Variants in FAM216B observed in about 807,000 individuals in gnomAD.
FAM216B encodes the protein protein FAM216B.
Under a neutral mutation model 12.9 loss-of-function variants are expected in FAM216B, and 11 were observed. The observed-to-expected ratio is 0.86, with a 90% CI of 0.54 to 1.42. FAM216B has a LOEUF of 1.42. Ranked by LOEUF, FAM216B falls within the 40% of genes most tolerant of loss-of-function variation. The pLI is 0.00. For synonymous variants in FAM216B, 52 were observed against 57.2 expected (o/e 0.91, Z 0.41); for missense variants, 167 against 162.9 (o/e 1.02, Z -0.14).
rs1007912038 is a variant in FAM216B, at chr13:42,785,885, T to G, written c.100-878T>G. Among the ~76,000 whole-genome samples the G allele has an allele frequency of 3.3e-5, 5 of 152,176 alleles. No individual in the cohort carries two copies. The South Asian group carries it at 6.2e-4, about 19-fold the overall frequency. On this transcript the variant is annotated intron_variant, in intron 2 of 3. Transcript: ENST00000313851. Reference sequence around the variant, plus strand: ...TGTGCATTACAGGATGCTAAGCACATCCCAGGCCTCTACTCACTGAATGCC... The same window carrying G: ...TGTGCATTACAGGATGCTAAGCACAGCCCAGGCCTCTACTCACTGAATGCC...
At chr13:42,786,121 C>T (rs2138035095) in intron 2 of FAM216B, among the ~76,000 whole-genome samples, 1 of 152,284 alleles carries the variant, frequency 6.6e-6, no homozygotes, top group Middle Eastern at 3.4e-3. Flanking sequence ...CACAATCAGA[C>T]TCTCTTCCCT....
intron 3 of FAM216B, 88 bp downstream of exon 3, chr13:42,786,971 C>T (rs772470931): frequency 3.2e-6 from 5 of 1,566,542 alleles, no homozygotes; most frequent in Non-Finnish European, 4.3e-6. Flanking sequence ...ATAATTCAAG[C>T]ACAATGGCAT....
chr13:42,786,684 A>G, intron 2 of FAM216B, 79 bp from the exon 3 acceptor site: 2 of 1,488,400 alleles, frequency 1.3e-6, no homozygotes, highest in Middle Eastern at 1.8e-4. Flanking sequence ...TATTTCCATA[A>G]AAGTTTGCTT....
At chr13:42,784,450 G>C (rs77950682) in intron 2 of FAM216B, among the ~76,000 whole-genome samples, 138 of 151,834 alleles carry the variant, frequency 9.1e-4, no homozygotes, top group African/African-American at 3.3e-3. Flanking sequence ...CCACACTATG[G>C]CTCCCTGTTG....
chr13:42,781,906 C>T (rs1477845902), intron 1 of FAM216B, among the ~76,000 whole-genome samples: 1 of 152,094 alleles, frequency 6.6e-6, no homozygotes, highest in Non-Finnish European at 1.5e-5. Context: ...CAGCTTGAAG[C>T]ATATTTATTC....
rs1874261470 is a variant in FAM216B at position 42,790,139 on chromosome 13, AAGTGAGAAATTGTTAC to A, written c.*1351_*1366del. On this transcript the variant is annotated 3_prime_UTR_variant, in exon 4 of 4. Transcript: ENST00000313851. Reference sequence around the variant, plus strand: ...GTATTCTAAATACCTTTACAGTTCTAAGTGAGAAATTGTTACATAGGCTTAGAAGAAGAAAAGACTC... The same window carrying A: ...GTATTCTAAATACCTTTACAGTTCTAATAGGCTTAGAAGAAGAAAAGACTC... The A allele has an allele frequency of 6.6e-6, 1 of 152,126 alleles. No homozygotes were observed. The highest frequency in any genetic ancestry group is 2.4e-5 in the African/African-American group (1 of 41,430). 9.4% of individuals were successfully genotyped at this position (152,126 alleles called of 1,614,324 possible). A position where few individuals can be genotyped will look rare whatever the true frequency, so the allele number is the denominator to read the frequency against.
rs909711153 is a variant in FAM216B, at chr13:42,788,469, G to T, written c.221-122G>T. 3 of 690,268 alleles carry T rather than the reference G, an allele frequency of 4.3e-6. No homozygotes were observed. In the African/African-American group the frequency reaches 5.3e-5, roughly 12 times the overall value. The allele number at this position is 690,268 out of a possible 1,614,324, so 42.8% of individuals were successfully genotyped here. On this transcript the variant is annotated intron_variant, in intron 3 of 3. Coordinates refer to ENST00000313851, the MANE Select transcript of FAM216B (RefSeq NM_001318932.2). ...CCAATCTTCAAAGATCATATAATCT[G>T]GGCATGCTTACCACAAGAGTAGAAT...
chr13:42,783,300 T>C (rs1292453122), intron 1 of FAM216B, among the ~76,000 whole-genome samples: 4 of 152,172 alleles, frequency 2.6e-5, no homozygotes, highest in African/African-American at 9.6e-5. Context: ...AGAGTGAGAC[T>C]CTGTCTCAAA....
chr13:42,786,870 C>T lies in FAM216B; in HGVS notation c.207C>T (p.His69=). Residue 69 remains histidine (H), a synonymous_variant, in exon 3 of 4, where the codon CAC becomes CAT. Coordinates refer to ENST00000313851, the MANE Select transcript of FAM216B (RefSeq NM_001318932.2). ...CCCGCTACATTCACAGCCTTCAGCACCAACAGCTGCTTGGTAAGTTTAACT... is the reference window on the plus strand; with the variant it reads ...CCCGCTACATTCACAGCCTTCAGCATCAACAGCTGCTTGGTAAGTTTAACT... The part of the protein sequence containing the change: ...LQTRYIHSLQ[H]QQLLGYITQR... 6.2e-7 allele frequency: 1 copy of T among 1,613,904 alleles called. No individual in the cohort carries two copies. Among genetic ancestry groups the T allele is most frequent in the Non-Finnish European group, 8.5e-7 (1 of 1,179,858 alleles).
chr13:42,785,766 T>C (rs1163471134), intron 2 of FAM216B, among the ~76,000 whole-genome samples: 1 of 152,002 alleles, frequency 6.6e-6, no homozygotes, highest in Non-Finnish European at 1.5e-5. Flanking sequence ...CATTCTCCAC[T>C]GCATGGCCAT....
Position 42,787,068 on chromosome 13 carries a change from T to C in FAM216B, c.220+185T>C, listed in dbSNP as rs79175034. Among the ~76,000 whole-genome samples the C allele has an allele frequency of 8.3e-3, 1,259 of 152,262 alleles. 14 individuals are homozygous for C. The highest frequency in any genetic ancestry group is 0.012 in the Non-Finnish European group (790 of 68,022). ...ACAATGGAAAGCAAGGTTTTATGGG[T>C]AAATTAATAGGGTTTAAAGAAATTC... is the stretch of plus-strand genomic sequence containing the variant. On this transcript the variant is annotated intron_variant, in intron 3 of 3. Coordinates refer to ENST00000313851, the MANE Select transcript of FAM216B (RefSeq NM_001318932.2).
chr13:42,783,262 C>T (rs1244356991), intron 1 of FAM216B, among the ~76,000 whole-genome samples: 2 of 152,112 alleles, frequency 1.3e-5, no homozygotes, highest in Non-Finnish European at 2.9e-5. Flanking sequence ...GAGCTATAGT[C>T]GCACCACTGT....
At position 42,788,926 on chromosome 13, in the gene FAM216B, A is replaced by T; in HGVS notation, c.*136A>T. ...CAGACCTAAAAATAATCTCTGATTC[A>T]TATAAATTTTGCCAGCAAGACCAAG... is the stretch of plus-strand genomic sequence containing the variant. On this transcript the variant is annotated 3_prime_UTR_variant, in exon 4 of 4. Transcript: ENST00000313851. The T allele has an allele frequency of 1.0e-6, 1 of 967,214 alleles. No homozygotes were observed. The highest frequency in any genetic ancestry group is 1.5e-6 in the Non-Finnish European group (1 of 688,448). 59.9% of individuals were successfully genotyped at this position (967,214 alleles called of 1,614,324 possible).
intron 1 of FAM216B, among the ~76,000 whole-genome samples, chr13:42,783,100 G>A (rs1594546850): frequency 6.6e-6 from 1 of 152,138 alleles, no homozygotes; most frequent in Non-Finnish European, 1.5e-5. Context: ...CTTGAGCCCA[G>A]GAGTTTGAGA....
Position 42,789,815 on chromosome 13 carries a change from A to G in FAM216B, c.*1025A>G, listed in dbSNP as rs1410816036. 6.6e-6 allele frequency: 1 copy of G among 152,192 alleles called. No individual in the cohort carries two copies. Among genetic ancestry groups the G allele is most frequent in the African/African-American group, 2.4e-5 (1 of 41,460 alleles). The allele number at this position is 152,192 out of a possible 1,614,324, so 9.4% of individuals were successfully genotyped here. On this transcript the variant is annotated 3_prime_UTR_variant, in exon 4 of 4. Coordinates refer to ENST00000313851, the MANE Select transcript of FAM216B (RefSeq NM_001318932.2). Reference sequence around the variant, plus strand: ...GGAATATAAATTTTATTGACAAGGGATGTGCTAACATTGATCTGAAAGGAA... The same window carrying G: ...GGAATATAAATTTTATTGACAAGGGGTGTGCTAACATTGATCTGAAAGGAA...
At position 42,788,652 on chromosome 13, in the gene FAM216B, A is replaced by C. The variant is rs1463739797; in HGVS notation, c.282A>C (p.Arg94Ser). ...TTGTACTTAGAGATTCAACCAAGAGAGCCTCAGCCAAGGTAGCTCCTCAAA... is the reference window on the plus strand; with the variant it reads ...TTGTACTTAGAGATTCAACCAAGAGCGCCTCAGCCAAGGTAGCTCCTCAAA... ...YALVLRDSTK[R>S]ASAKVAPQRT... Residue 94 changes from arginine (R) to serine (S), a missense_variant, in exon 4 of 4, where the codon AGA becomes AGC. Arg to Ser is a moderately radical substitution (Grantham distance 110). Coordinates refer to ENST00000313851, the MANE Select transcript of FAM216B (RefSeq NM_001318932.2). 1.7e-5 allele frequency: 27 copies of C among 1,613,824 alleles called. No homozygotes were observed. Among genetic ancestry groups the C allele is most frequent in the Non-Finnish European group, 2.3e-5 (27 of 1,179,890 alleles).
In FAM216B at chr13:42,786,781, C is replaced by T; in HGVS notation, c.118C>T (p.Gln40Ter). The T allele has an allele frequency of 6.2e-7, 1 of 1,614,046 alleles. No homozygotes were observed. The highest frequency in any genetic ancestry group is 8.5e-7 in the Non-Finnish European group (1 of 1,179,948). Residue 40 changes from glutamine to a stop codon, truncating the protein, a stop_gained, in exon 3 of 4, where the codon CAG (glutamine) becomes TAG (stop). Coordinates refer to ENST00000313851, the MANE Select transcript of FAM216B (RefSeq NM_001318932.2). LOFTEE classifies it high-confidence loss of function. ...CCAACAGGCCCTCAACCAAGGGCAA[C>T]AGCGCTACTTTTACAGCATTATGAG... is the stretch of plus-strand genomic sequence containing the variant. ...SLLKALNQGQ[Q>*]RYFYSIMRIY...
rs1594551030 is a variant in FAM216B at position 42,790,294 on chromosome 13, C to T, written c.*1504C>T. 1 of 150,068 alleles carries T rather than the reference C, an allele frequency of 6.7e-6. No individual in the cohort carries two copies. The highest frequency in any genetic ancestry group is 2.0e-4 in the East Asian group (1 of 5,120). The allele number at this position is 150,068 out of a possible 1,614,324, so 9.3% of individuals were successfully genotyped here. A position where few individuals can be genotyped will look rare whatever the true frequency, so the allele number is the denominator to read the frequency against. ...TGTTTTCACAATGGGCCTTTTATCC[C>T]CTCTGAACTGCTTGCCTGCACTTTT... On this transcript the variant is annotated 3_prime_UTR_variant, in exon 4 of 4. Coordinates refer to ENST00000313851, the MANE Select transcript of FAM216B (RefSeq NM_001318932.2).
chr13:42,786,742 T>C, intron 2 of FAM216B, 21 bp from the exon 3 acceptor site: 4 of 1,611,218 alleles, frequency 2.5e-6, no homozygotes, highest in Non-Finnish European at 3.4e-6. Context: ...CTCATCAAAA[T>C]CACCTGTTCT....
Sources: allele counts gnomAD v4.1 joint callset (sites outside exome capture counted in the v4.1 genomes callset), GRCh38; gene constraint gnomAD v4.1.1; transcripts MANE v1.5; gene names NCBI Gene and HGNC (gene_info 2026-07-23, HGNC 2026-07-21).